COL23A1: variants seen among roughly 807,000 people sequenced by gnomAD.
COL23A1 encodes collagen type XXIII alpha 1 chain, also known as collagen alpha-1(XXIII) chain.
Under a neutral mutation model 99.3 loss-of-function variants are expected in COL23A1, and 97 were observed. That is an observed-to-expected ratio of 0.98 (90% confidence interval 0.83 to 1.16). The LOEUF (loss-of-function observed/expected upper bound fraction) is 1.16. COL23A1 is among the 50% of genes most tolerant of loss of function. COL23A1 has a pLI of 0.00. For missense variants in COL23A1, 762 were observed against 757.4 expected, an observed-to-expected ratio of 1.01 and a Z score of -0.07; for synonymous variants, 320 against 308.2, an observed-to-expected ratio of 1.04 and a Z score of -0.40.
At chr5:178,429,615 T>C (rs113783696) in intron 2 of COL23A1, among the ~76,000 whole-genome samples, 8 of 152,294 alleles carry the variant, frequency 5.3e-5, no homozygotes, top group Middle Eastern at 3.4e-3. Flanking sequence ...GTAGATTCAT[T>C]GAGTGCCGCT....
In COL23A1 at chr5:178,340,692, G is replaced by A. The variant is rs563853707; in HGVS notation, c.362-33773C>T. On this transcript the variant is annotated intron_variant, in intron 2 of 28. Transcript: ENST00000390654. The surrounding 1 kb of genome is among the most constrained non-coding windows in gnomAD (Gnocchi z 4.7). ...TTTGGCTGATGGCAAACTGGACACC[G>A]GGGATTCTAGTCCTCGGCCCTCCCA... is the stretch of plus-strand genomic sequence containing the variant. Among the ~76,000 whole-genome samples, 6 of 152,328 alleles carry A rather than the reference G, an allele frequency of 3.9e-5. No homozygotes were observed. The highest frequency in any genetic ancestry group is 2.1e-4 in the South Asian group (1 of 4,820).
intron 2 of COL23A1, among the ~76,000 whole-genome samples, chr5:178,399,408 C>T (rs1764317276): frequency 6.6e-6 from 1 of 152,242 alleles, no homozygotes; most frequent in Non-Finnish European, 1.5e-5. Context: ...CTGAAGCTAG[C>T]CCAGTCCAAC....
At position 178,366,037 on chromosome 5, in the gene COL23A1, C is replaced by T. The variant is rs1762457412; in HGVS notation, c.362-59118G>A. Among the ~76,000 whole-genome samples, 1 of 152,180 alleles carries T rather than the reference C, an allele frequency of 6.6e-6. No homozygotes were observed. Among genetic ancestry groups the T allele is most frequent in the African/African-American group, 2.4e-5 (1 of 41,444 alleles). ...GAGTTCACCTCTTCATCTGAGCTCG[C>T]TTCAGATGACGCCCCCAGTGCCAGG... On this transcript the variant is annotated intron_variant, in intron 2 of 28. Transcript: ENST00000390654. This position sits in a 1 kb window ranked among gnomAD's most constrained non-coding sequence, Gnocchi z 4.4.
intron 5 of COL23A1, among the ~76,000 whole-genome samples, chr5:178,286,840 C>G (rs1384853973): frequency 6.6e-6 from 1 of 152,164 alleles, no homozygotes; most frequent in African/African-American, 2.4e-5. Flanking sequence ...GGGAACGGAC[C>G]GGACCGCTGG....
At chr5:178,578,944 G>A (rs917701777) in intron 1 of COL23A1, among the ~76,000 whole-genome samples, 1 of 151,780 alleles carries the variant, frequency 6.6e-6, no homozygotes, top group Non-Finnish European at 1.5e-5. Flanking sequence ...TTTTATTTTG[G>A]TCATGACTTT....
At chr5:178,480,784 T>A (rs1178865941) in intron 2 of COL23A1, among the ~76,000 whole-genome samples, 2 of 152,164 alleles carry the variant, frequency 1.3e-5, no homozygotes, top group Non-Finnish European at 2.9e-5. Flanking sequence ...TTTTCACAGG[T>A]TGGACTGTGT....
chr5:178,451,845 A>C (rs1334775182), intron 2 of COL23A1, among the ~76,000 whole-genome samples: 1 of 152,052 alleles, frequency 6.6e-6, no homozygotes, highest in African/African-American at 2.4e-5. Flanking sequence ...GAAAAGTTTC[A>C]ATCTCCTAAG....
At chr5:178,333,061 G>C (rs1248861951) in intron 2 of COL23A1, among the ~76,000 whole-genome samples, 1 of 152,076 alleles carries the variant, frequency 6.6e-6, no homozygotes, top group African/African-American at 2.4e-5. Context: ...GAGTTCAAGC[G>C]ATTCTCTTGC....
chr5:178,358,440 T>C (rs1761942574), intron 2 of COL23A1, among the ~76,000 whole-genome samples: 2 of 150,970 alleles, frequency 1.3e-5, no homozygotes, highest in Non-Finnish European at 3.0e-5. Context: ...TGTATGTGTG[T>C]ATGTGTGTAT....
At chr5:178,543,319 C>T (rs1761398483) in intron 2 of COL23A1, among the ~76,000 whole-genome samples, 1 of 152,122 alleles carries the variant, frequency 6.6e-6, no homozygotes, top group Non-Finnish European at 1.5e-5. Context: ...GTTGGCCAGG[C>T]TGGTCGTCAA....
At chr5:178,301,478 CCTA>C (rs1305173127) in intron 3 of COL23A1, among the ~76,000 whole-genome samples, 2 of 152,160 alleles carry the variant, frequency 1.3e-5, no homozygotes, top group Non-Finnish European at 2.9e-5. Flanking sequence ...TTTTTACTGC[CCTA>C]CTTTCCTGTC....
At chr5:178,357,733 T>TGC (rs1761747713) in intron 2 of COL23A1, among the ~76,000 whole-genome samples, 2 of 149,268 alleles carry the variant, frequency 1.3e-5, no homozygotes, top group Non-Finnish European at 3.0e-5. Flanking sequence ...TGTGTGTGTG[T>TGC]GTGTATGTAC....
At chr5:178,380,962 G>A (rs1049385805) in intron 2 of COL23A1, among the ~76,000 whole-genome samples, 2 of 152,196 alleles carry the variant, frequency 1.3e-5, no homozygotes, top group African/African-American at 4.8e-5. Flanking sequence ...CAGCCGGCAG[G>A]CACATCTAGC....
intron 2 of COL23A1, among the ~76,000 whole-genome samples, chr5:178,520,119 G>A (rs992423080): frequency 6.6e-5 from 10 of 152,120 alleles, no homozygotes; most frequent in African/African-American, 2.4e-4. Flanking sequence ...CTGATAAATG[G>A]ATGGATGGAT....
intron 2 of COL23A1, among the ~76,000 whole-genome samples, chr5:178,532,766 C>G (rs966272289): frequency 5.9e-5 from 9 of 152,004 alleles, no homozygotes; most frequent in African/African-American, 1.9e-4. Flanking sequence ...AGGATAGGGC[C>G]CCGGTGATGG....
chr5:178,545,767 C>T (rs1403285900), intron 2 of COL23A1, among the ~76,000 whole-genome samples: 1 of 152,150 alleles, frequency 6.6e-6, no homozygotes, highest in Non-Finnish European at 1.5e-5. Flanking sequence ...GCACAGCTCC[C>T]TCCTATCACC....
At chr5:178,556,625 T>A (rs200661350) in intron 2 of COL23A1, among the ~76,000 whole-genome samples, 4 of 124,464 alleles carry the variant, frequency 3.2e-5, no homozygotes, top group African/African-American at 9.8e-5. Context: ...CTCTGTCAAA[T>A]TAAAATAAAA....
At chr5:178,378,435 G>A (rs1245058925) in intron 2 of COL23A1, among the ~76,000 whole-genome samples, 2 of 152,148 alleles carry the variant, frequency 1.3e-5, no homozygotes, top group African/African-American at 2.4e-5. Context: ...CTGACTGGAG[G>A]GAGTGGCAAG....
At chr5:178,537,595 CTT>C (rs1295724105) in intron 2 of COL23A1, among the ~76,000 whole-genome samples, 6 of 152,202 alleles carry the variant, frequency 3.9e-5, no homozygotes, top group East Asian at 3.9e-4. Context: ...CTGTCCCTCT[CTT>C]GTCTGGGTGA....
Sources: gnomAD v4.1 joint callset for allele counts (sites outside exome capture counted in the v4.1 genomes callset) on GRCh38, gnomAD v4.1.1 for gene constraint, Gnocchi (gnomAD v3.1) non-coding constraint, MANE v1.5 for transcripts, NCBI Gene and HGNC (gene_info 2026-07-23, HGNC 2026-07-21) for gene names.